The following DAAM1 variants were observed in gnomAD, a reference collection of about 807,000 sequenced individuals.
DAAM1 encodes the protein disheveled-associated activator of morphogenesis 1.
Under a neutral mutation model 130.0 loss-of-function variants are expected in DAAM1, and 52 were observed. The ratio of observed to expected loss-of-function variants is 0.40; its 90% CI spans 0.32 to 0.50. The LOEUF (loss-of-function observed/expected upper bound fraction) is 0.50. Ranked by LOEUF, DAAM1 falls within the 20% of genes least tolerant of loss-of-function variation. DAAM1 has a pLI of 0.61. For synonymous variants in DAAM1, 452 were observed against 444.5 expected (o/e 1.02, Z -0.21); for missense variants, 1,134 against 1,303.8 (o/e 0.87, Z 2.01).
intron 1 of DAAM1, among the ~76,000 whole-genome samples, chr14:59,204,211 T>C (rs1223889324): frequency 6.6e-6 from 1 of 152,298 alleles, no homozygotes; most frequent in African/African-American, 2.4e-5. Context: ...CAGGCAAAAA[T>C]CCAGGTGTCA....
intron 1 of DAAM1, among the ~76,000 whole-genome samples, chr14:59,214,435 A>T (rs1250453230): frequency 6.6e-6 from 1 of 152,200 alleles, no homozygotes; most frequent in Non-Finnish European, 1.5e-5. Flanking sequence ...TTTTCTGTTA[A>T]CTGTGGAAAA....
chr14:59,212,735 A>T (rs1000703927), intron 1 of DAAM1, among the ~76,000 whole-genome samples: 1 of 151,832 alleles, frequency 6.6e-6, no homozygotes, highest in Non-Finnish European at 1.5e-5. Context: ...GAATCTTTAA[A>T]TTTTTTTTTA....
intron 2 of DAAM1, among the ~76,000 whole-genome samples, chr14:59,284,731 A>G (rs1171097805): frequency 6.6e-6 from 1 of 152,158 alleles, no homozygotes; most frequent in African/African-American, 2.4e-5. Flanking sequence ...CAGAGCTTGA[A>G]TACCATTCCT....
intron 1 of DAAM1, among the ~76,000 whole-genome samples, chr14:59,236,446 C>T (rs912754544): frequency 6.6e-6 from 1 of 152,020 alleles, no homozygotes; most frequent in South Asian, 2.1e-4. Context: ...TTTGAGCATG[C>T]CTCACCTTTT....
At chr14:59,330,284 T>TACGGA (rs1555363607) in intron 12 of DAAM1, among the ~76,000 whole-genome samples, 1 of 151,574 alleles carries the variant, frequency 6.6e-6, no homozygotes, top group Non-Finnish European at 1.5e-5. Context: ...TTCAGTCTCT[T>TACGGA]ACGTAGTTAA....
At chr14:59,309,269 G>A (rs1017094818) in intron 3 of DAAM1, among the ~76,000 whole-genome samples, 3 of 152,210 alleles carry the variant, frequency 2.0e-5, no homozygotes, top group Non-Finnish European at 4.4e-5. Context: ...TTTTCAAAAA[G>A]TAGGATTAAA....
chr14:59,287,675 C>G (rs538913352), intron 2 of DAAM1, among the ~76,000 whole-genome samples: 1 of 152,198 alleles, frequency 6.6e-6, no homozygotes, highest in African/African-American at 2.4e-5. Context: ...ATTCCACTTA[C>G]AATAGCTTCA....
At chr14:59,266,988 A>T (rs1244557891) in intron 2 of DAAM1, among the ~76,000 whole-genome samples, 1 of 152,226 alleles carries the variant, frequency 6.6e-6, no homozygotes, top group Non-Finnish European at 1.5e-5. Context: ...ATAACCTTTA[A>T]AAAGTCTGGC....
At chr14:59,297,708 G>A (rs1884006891) in intron 3 of DAAM1, among the ~76,000 whole-genome samples, 1 of 152,136 alleles carries the variant, frequency 6.6e-6, no homozygotes, top group Non-Finnish European at 1.5e-5. Flanking sequence ...GAGAGAGACC[G>A]CACTCACATA....
At chr14:59,239,777 C>T (rs34655919) in intron 1 of DAAM1, among the ~76,000 whole-genome samples, 28,432 of 151,942 alleles carry the variant, frequency 0.19, 3,150 homozygotes, top group Non-Finnish European at 0.25. Context: ...GGGGCCAGGA[C>T]GAGGAGTAAT....
chr14:59,334,747 G>T (rs1385261307), intron 15 of DAAM1, among the ~76,000 whole-genome samples: 1 of 152,180 alleles, frequency 6.6e-6, no homozygotes, highest in Non-Finnish European at 1.5e-5. Context: ...TCCAGTTGAT[G>T]TGAGGAATCA....
At chr14:59,215,409 G>A (rs967083013) in intron 1 of DAAM1, among the ~76,000 whole-genome samples, 15 of 152,222 alleles carry the variant, frequency 9.9e-5, no homozygotes, top group Admixed American at 5.9e-4. Flanking sequence ...TCACCAGAGT[G>A]TAACATAAGA....
At chr14:59,196,383 G>A (rs150870827) in intron 1 of DAAM1, among the ~76,000 whole-genome samples, 8 of 152,302 alleles carry the variant, frequency 5.3e-5, no homozygotes, top group African/African-American at 1.9e-4. Flanking sequence ...GTTAGAACCC[G>A]CAGTTCTGTA....
intron 1 of DAAM1, among the ~76,000 whole-genome samples, chr14:59,248,306 A>ATGTTTTGTTT (rs6145363): frequency 3.3e-4 from 49 of 150,246 alleles, no homozygotes; most frequent in South Asian, 6.4e-4. Flanking sequence ...CTGTGGAATG[A>ATGTTTTGTTT]TGTTTTGTTT....
intron 17 of DAAM1, 132 bp from the exon 18 acceptor site, chr14:59,352,394 C>A: frequency 1.6e-6 from 1 of 623,652 alleles, no homozygotes; most frequent in Non-Finnish European, 2.7e-6. Flanking sequence ...TGTATCTTAA[C>A]CTGTGAGCAG....
rs765384602 is a variant in DAAM1, at chr14:59,326,555, G to T, written c.1220G>T (p.Arg407Ile). The T allele has an allele frequency of 5.0e-6, 8 of 1,613,792 alleles. No individual in the cohort carries two copies. Among genetic ancestry groups the T allele is most frequent in the Non-Finnish European group, 6.8e-6 (8 of 1,179,916 alleles). Residue 407 changes from arginine to isoleucine, a missense_variant, in exon 11 of 25, where the codon AGA (arginine) becomes ATA (isoleucine). This residue lies in a region of DAAM1 where 391 missense variants were observed against 521.6 expected (regional missense o/e 0.75). Coordinates refer to ENST00000360909, the MANE Select transcript of DAAM1 (RefSeq NM_001270520.2). The stretch of plus-strand genomic sequence containing the variant: ...GTTCAGTACTGGCTACTACTAGATA[G>T]AATTATACAGCAGATAGTTATCCAG... ...NTVQYWLLLD[R>I]IIQQIVIQND...
At chr14:59,253,876 G>T (rs1477905002) in intron 1 of DAAM1, among the ~76,000 whole-genome samples, 3 of 152,054 alleles carry the variant, frequency 2.0e-5, no homozygotes, top group Admixed American at 1.3e-4. Context: ...AGTAAACTTT[G>T]CTTCAAGATA....
At chr14:59,300,503 A>G (rs1884126303) in intron 3 of DAAM1, among the ~76,000 whole-genome samples, 1 of 152,236 alleles carries the variant, frequency 6.6e-6, no homozygotes, top group Non-Finnish European at 1.5e-5. Flanking sequence ...CTAACCTCTG[A>G]TAACTTTCCT....
At chr14:59,338,489 C>G in intron 15 of DAAM1, 1 of 1,546,290 alleles carries the variant, frequency 6.5e-7, no homozygotes, top group Admixed American at 1.7e-5. Flanking sequence ...TCTTCGTTAT[C>G]CAGGGTTTTG....
Sources: gnomAD v4.1 joint callset for allele counts (sites outside exome capture counted in the v4.1 genomes callset) on GRCh38, gnomAD v4.1.1 for gene constraint, gnomAD v4.1.1 regional missense constraint, MANE v1.5 for transcripts, NCBI Gene and HGNC (gene_info 2026-07-23, HGNC 2026-07-21) for gene names.